Variants in TMEM178B observed in about 807,000 individuals in gnomAD.
TMEM178B encodes transmembrane protein 178B.
A neutral mutation model predicts 31.0 loss-of-function variants in TMEM178B; 5 were observed. The observed-to-expected ratio is 0.16, with a 90% CI of 0.08 to 0.34. TMEM178B has a LOEUF of 0.34. TMEM178B is among the 10% of genes least tolerant of loss of function. The pLI is 1.00. For missense variants in TMEM178B, 275 were observed against 400.3 expected, an observed-to-expected ratio of 0.69 and a Z score of 2.67; for synonymous variants, 164 against 164.0, an observed-to-expected ratio of 1.00 and a Z score of 0.00.
At chr7:141,487,209 T>G in the TMEM178B span, among the ~76,000 whole-genome samples, 1 of 152,198 alleles carries the variant, frequency 6.6e-6, no homozygotes, top group East Asian at 1.9e-4. Context: ...GCTCAGCTTC[T>G]TAGTAAGAGA....
intron 1 of TMEM178B, among the ~76,000 whole-genome samples, chr7:141,098,678 A>G (rs902825587): frequency 6.6e-6 from 1 of 152,260 alleles, no homozygotes; most frequent in Non-Finnish European, 1.5e-5. Context: ...TCATACAAGT[A>G]AATGCCATAG....
chr7:141,210,460 A>T (rs1459605857), intron 1 of TMEM178B, among the ~76,000 whole-genome samples: 1 of 152,094 alleles, frequency 6.6e-6, no homozygotes, highest in African/African-American at 2.4e-5. Flanking sequence ...CAAAACTCTC[A>T]ATCAGTCAAT....
At chr7:141,503,095 AACC>A in the TMEM178B span, among the ~76,000 whole-genome samples, 1 of 152,204 alleles carries the variant, frequency 6.6e-6, no homozygotes, top group Non-Finnish European at 1.5e-5. Context: ...CAGTTAGCAG[AACC>A]ACAAAATGGA....
intron 1 of TMEM178B, among the ~76,000 whole-genome samples, chr7:141,164,010 C>G (rs568981322): frequency 6.6e-6 from 1 of 152,208 alleles, no homozygotes; most frequent in Admixed American, 6.5e-5. Flanking sequence ...ACATTTGTAA[C>G]TCAGATTGGG....
chr7:141,259,845 C>G (rs2116357659), intron 2 of TMEM178B, among the ~76,000 whole-genome samples: 1 of 152,268 alleles, frequency 6.6e-6, no homozygotes, highest in East Asian at 1.9e-4. Flanking sequence ...GACATACACT[C>G]AAAGTTCAGT....
intron 2 of TMEM178B, among the ~76,000 whole-genome samples, chr7:141,264,606 G>A (rs1043760313): frequency 6.6e-6 from 1 of 152,168 alleles, no homozygotes. Flanking sequence ...CAGTGGATTT[G>A]TTGGTAAGTG....
chr7:141,219,686 G>C (rs1255290882), intron 2 of TMEM178B, among the ~76,000 whole-genome samples: 1 of 152,184 alleles, frequency 6.6e-6, no homozygotes, highest in East Asian at 1.9e-4. Context: ...CCTTGTGCCT[G>C]TCCTCCCAGA....
chr7:141,418,400 A>T (rs887462166), intron 2 of TMEM178B, among the ~76,000 whole-genome samples: 1 of 152,028 alleles, frequency 6.6e-6, no homozygotes, highest in African/African-American at 2.4e-5. Context: ...GCCACGCAGG[A>T]AAAAAAACAT....
chr7:141,378,255 C>T (rs2116582275), intron 2 of TMEM178B, among the ~76,000 whole-genome samples: 1 of 152,238 alleles, frequency 6.6e-6, no homozygotes, highest in East Asian at 1.9e-4. Flanking sequence ...TATATGATAT[C>T]GACATGACTT....
At chr7:141,166,969 T>C (rs1403396111) in intron 1 of TMEM178B, among the ~76,000 whole-genome samples, 1 of 152,224 alleles carries the variant, frequency 6.6e-6, no homozygotes, top group Non-Finnish European at 1.5e-5. Context: ...CTCAGTCTCA[T>C]GTTAACTCTG....
At chr7:141,157,400 T>A (rs1796088741) in intron 1 of TMEM178B, among the ~76,000 whole-genome samples, 1 of 151,070 alleles carries the variant, frequency 6.6e-6, no homozygotes, top group Admixed American at 6.6e-5. Flanking sequence ...GCAAAACAGA[T>A]CCTCTCTTTC....
intron 3 of TMEM178B, among the ~76,000 whole-genome samples, chr7:141,469,228 C>A (rs563482253): frequency 1.3e-5 from 2 of 152,280 alleles, no homozygotes; most frequent in Admixed American, 6.5e-5. Flanking sequence ...AAAACCTTAC[C>A]GAGGACTTCT....
At chr7:141,233,069 G>A (rs1213199071) in intron 2 of TMEM178B, among the ~76,000 whole-genome samples, 1 of 152,192 alleles carries the variant, frequency 6.6e-6, no homozygotes, top group African/African-American at 2.4e-5. Flanking sequence ...TCATCCTGGA[G>A]AAGTGTGTTA....
At chr7:141,325,868 C>A (rs908192194) in intron 2 of TMEM178B, among the ~76,000 whole-genome samples, 1 of 152,038 alleles carries the variant, frequency 6.6e-6, no homozygotes, top group African/African-American at 2.4e-5. Flanking sequence ...CATAAATAGA[C>A]AGAAATGTAA....
intron 2 of TMEM178B, among the ~76,000 whole-genome samples, chr7:141,351,076 A>T (rs1444610606): frequency 6.6e-6 from 1 of 152,238 alleles, no homozygotes; most frequent in Non-Finnish European, 1.5e-5. Flanking sequence ...TGTGACAACT[A>T]AAACTCAGTG....
chr7:141,445,731 A>G lies in TMEM178B; in HGVS notation c.634+7986A>G, dbSNP rs550708707. Among the ~76,000 whole-genome samples the G allele has an allele frequency of 1.8e-4, 28 of 152,358 alleles. No individual in the cohort carries two copies. In the South Asian group the frequency reaches 3.3e-3, roughly 18 times the overall value. On this transcript the variant is annotated intron_variant, in intron 3 of 3. Transcript: ENST00000565468. ...AAATGGTGCTGTTACTGTTACATGTATAGCCTAAGTGAAGTCCATTTTAAT... is the reference window on the plus strand; with the variant it reads ...AAATGGTGCTGTTACTGTTACATGTGTAGCCTAAGTGAAGTCCATTTTAAT...
At chr7:141,488,400 A>G in the TMEM178B span, among the ~76,000 whole-genome samples, 1 of 151,978 alleles carries the variant, frequency 6.6e-6, no homozygotes, top group Admixed American at 6.6e-5. Flanking sequence ...GATTCATCCT[A>G]TTGGATATTG....
At chr7:141,291,298 C>T (rs1382454022) in intron 2 of TMEM178B, among the ~76,000 whole-genome samples, 2 of 152,006 alleles carry the variant, frequency 1.3e-5, no homozygotes, top group South Asian at 2.1e-4. Flanking sequence ...TTTATGATCT[C>T]GAGGCCTGAC....
intron 2 of TMEM178B, among the ~76,000 whole-genome samples, chr7:141,253,390 C>T (rs1260913710): frequency 1.3e-5 from 2 of 152,290 alleles, no homozygotes; most frequent in African/African-American, 4.8e-5. Context: ...GCAGCTTCAG[C>T]AGCTCCATGC....
Sources: allele counts gnomAD v4.1 joint callset (sites outside exome capture counted in the v4.1 genomes callset), GRCh38; gene constraint gnomAD v4.1.1; transcripts MANE v1.5; gene names NCBI Gene and HGNC (gene_info 2026-07-23, HGNC 2026-07-21).